LYPLAL1: variants seen among roughly 807,000 people sequenced by gnomAD.
LYPLAL1 encodes lysophospholipase-like protein 1.
LYPLAL1 carries 23 observed loss-of-function variants against 19.7 expected under a neutral mutation model. The ratio of observed to expected loss-of-function variants is 1.17; its 90% CI spans 0.84 to 1.65. LYPLAL1 has a LOEUF of 1.65. Among genes scored for constraint, LYPLAL1 ranks in the 40% most tolerant of loss-of-function variants. The probability of loss-of-function intolerance (pLI) is 0.00; values close to 1 mark genes in which losing one functional copy is unlikely to be tolerated. For missense variants in LYPLAL1, 355 were observed against 279.4 expected (o/e 1.27, Z -1.93); for synonymous variants, 119 against 96.3 (o/e 1.24, Z -1.38).
At chr1:219,176,414 G>C (rs765385280) in intron 1 of LYPLAL1, among the ~76,000 whole-genome samples, 2 of 152,132 alleles carry the variant, frequency 1.3e-5, no homozygotes, top group Non-Finnish European at 2.9e-5. Context: ...GTGTGGTAAG[G>C]CTCAGCAAGT....
At chr1:219,232,923 T>C in the LYPLAL1 span, among the ~76,000 whole-genome samples, 2 of 150,860 alleles carry the variant, frequency 1.3e-5, no homozygotes, top group Non-Finnish European at 2.9e-5. Context: ...ATTGAAACCC[T>C]TGTGAACTGT....
At chr1:219,232,573 G>A in the LYPLAL1 span, among the ~76,000 whole-genome samples, 5 of 152,120 alleles carry the variant, frequency 3.3e-5, no homozygotes, top group African/African-American at 1.2e-4. Context: ...TATGTCAAAG[G>A]ATACTATCAA....
chr1:219,353,874 A>T, the LYPLAL1 span, among the ~76,000 whole-genome samples: 1 of 152,212 alleles, frequency 6.6e-6, no homozygotes, highest in Non-Finnish European at 1.5e-5. Flanking sequence ...AATCACTATT[A>T]TAAATGTTTA....
the LYPLAL1 span, among the ~76,000 whole-genome samples, chr1:219,431,960 A>G: frequency 6.6e-6 from 1 of 152,364 alleles, no homozygotes; most frequent in Admixed American, 6.5e-5. Context: ...TAAATGGCAT[A>G]ATGCATGTAG....
At chr1:219,256,607 C>T in the LYPLAL1 span, among the ~76,000 whole-genome samples, 1 of 151,768 alleles carries the variant, frequency 6.6e-6, no homozygotes, top group Non-Finnish European at 1.5e-5. Context: ...GTTGCTCTAA[C>T]CTTTATTATT....
intron 3 of LYPLAL1, among the ~76,000 whole-genome samples, chr1:219,196,847 C>T (rs1657645382): frequency 6.6e-6 from 1 of 152,078 alleles, no homozygotes; most frequent in African/African-American, 2.4e-5. Flanking sequence ...CATTCCTATA[C>T]ACCAACAGTA....
chr1:219,233,610 A>C, the LYPLAL1 span, among the ~76,000 whole-genome samples: 2 of 152,078 alleles, frequency 1.3e-5, no homozygotes, highest in African/African-American at 2.4e-5. Context: ...TTTACAAAAA[A>C]ATTTAAAAAA....
chr1:219,206,873 T>G (rs898186011), intron 3 of LYPLAL1, among the ~76,000 whole-genome samples: 1 of 151,938 alleles, frequency 6.6e-6, no homozygotes, highest in Admixed American at 6.6e-5. Flanking sequence ...TAATGTAAGT[T>G]TTTGCCTACT....
chr1:219,233,948 A>G, the LYPLAL1 span, among the ~76,000 whole-genome samples: 1 of 152,290 alleles, frequency 6.6e-6, no homozygotes, highest in South Asian at 2.1e-4. Context: ...AGGGATTCTG[A>G]AAAAAGAGAT....
At chr1:219,224,317 T>C in the LYPLAL1 span, among the ~76,000 whole-genome samples, 114 of 152,318 alleles carry the variant, frequency 7.5e-4, 1 homozygote, top group African/African-American at 2.4e-3. Flanking sequence ...CAACAGTATT[T>C]TTAAGTGGCA....
chr1:219,417,914 T>C, the LYPLAL1 span, among the ~76,000 whole-genome samples: 1 of 152,272 alleles, frequency 6.6e-6, no homozygotes, highest in Non-Finnish European at 1.5e-5. Context: ...GTGGGCGCCA[T>C]GACCTTTCCT....
the LYPLAL1 span, among the ~76,000 whole-genome samples, chr1:219,403,316 G>A: frequency 6.6e-6 from 1 of 152,200 alleles, no homozygotes; most frequent in Non-Finnish European, 1.5e-5. Context: ...GGGACCTAAA[G>A]GGGATGTGTC....
At chr1:219,427,723 G>C in the LYPLAL1 span, among the ~76,000 whole-genome samples, 1 of 152,206 alleles carries the variant, frequency 6.6e-6, no homozygotes, top group Admixed American at 6.5e-5. Flanking sequence ...CATTACAAGA[G>C]TCTCTTGTGT....
chr1:219,354,668 A>G, the LYPLAL1 span, among the ~76,000 whole-genome samples: 14 of 152,270 alleles, frequency 9.2e-5, no homozygotes, highest in African/African-American at 3.4e-4. Flanking sequence ...CGCATTATGT[A>G]CTGGCTAACA....
the LYPLAL1 span, among the ~76,000 whole-genome samples, chr1:219,284,993 T>C: frequency 5.8e-4 from 89 of 152,322 alleles, no homozygotes; most frequent in African/African-American, 2.1e-3. Context: ...AACATGAAAT[T>C]AATGGTAATA....
chr1:219,397,371 G>A, the LYPLAL1 span, among the ~76,000 whole-genome samples: 3 of 152,152 alleles, frequency 2.0e-5, no homozygotes, highest in Admixed American at 1.3e-4. Flanking sequence ...TGGCCTGAAG[G>A]TTTCTTTTTT....
chr1:219,330,337 A>G, the LYPLAL1 span, among the ~76,000 whole-genome samples: 1 of 152,340 alleles, frequency 6.6e-6, no homozygotes, highest in African/African-American at 2.4e-5. Context: ...GCTGCTCTAC[A>G]AGCAAAAAAT....
the LYPLAL1 span, among the ~76,000 whole-genome samples, chr1:219,253,173 C>T: frequency 1.3e-5 from 2 of 151,740 alleles, no homozygotes; most frequent in African/African-American, 4.8e-5. Context: ...TGGAGTTCCT[C>T]TATTATCTTT....
intron 2 of LYPLAL1, among the ~76,000 whole-genome samples, chr1:219,182,491 C>T (rs1045977871): frequency 1.3e-5 from 2 of 152,066 alleles, no homozygotes; most frequent in Admixed American, 1.3e-4. Flanking sequence ...TGTCATCTAC[C>T]TTGCTTGCTA....
Sources: allele counts gnomAD v4.1 joint callset (sites outside exome capture counted in the v4.1 genomes callset), GRCh38; gene constraint gnomAD v4.1.1; transcripts MANE v1.5; gene names NCBI Gene and HGNC (gene_info 2026-07-23, HGNC 2026-07-21).